Variants in PTPRK observed in about 807,000 individuals in gnomAD.
PTPRK encodes protein tyrosine phosphatase receptor type K.
A neutral mutation model predicts 178.0 loss-of-function variants in PTPRK; 75 were observed. The ratio of observed to expected loss-of-function variants is 0.42; its 90% CI spans 0.35 to 0.51. PTPRK has a LOEUF of 0.51. Ranked by LOEUF, PTPRK falls within the 20% of genes least tolerant of loss-of-function variation. PTPRK has a pLI of 0.02. For synonymous variants in PTPRK, 637 were observed against 620.6 expected (o/e 1.03, Z -0.39); for missense variants, 1,441 against 1,797.8 (o/e 0.80, Z 3.59).
At chr6:128,014,726 A>G (rs1238822329) in intron 13 of PTPRK, among the ~76,000 whole-genome samples, 1 of 151,652 alleles carries the variant, frequency 6.6e-6, no homozygotes, top group Non-Finnish European at 1.5e-5. Flanking sequence ...GGTTTTGTAA[A>G]GCACATGTTA....
At chr6:128,098,327 G>C (rs144661131) in intron 7 of PTPRK, among the ~76,000 whole-genome samples, 3 of 152,074 alleles carry the variant, frequency 2.0e-5, no homozygotes, top group African/African-American at 4.8e-5. Context: ...TTTGATTTTG[G>C]CCTTGCTGTG....
intron 6 of PTPRK, among the ~76,000 whole-genome samples, chr6:128,189,673 T>C (rs942394184): frequency 6.6e-6 from 1 of 152,188 alleles, no homozygotes; most frequent in African/African-American, 2.4e-5. Context: ...TTTTTTTATT[T>C]GTTACCATTT....
chr6:128,016,015 C>A (rs1417801855), intron 13 of PTPRK, among the ~76,000 whole-genome samples: 1 of 151,446 alleles, frequency 6.6e-6, no homozygotes, highest in Admixed American at 6.6e-5. Context: ...AATATCTCTA[C>A]CTGTTTTTTT....
intron 1 of PTPRK, among the ~76,000 whole-genome samples, chr6:128,461,017 G>GA (rs1341616689): frequency 7.9e-5 from 12 of 151,854 alleles, no homozygotes; most frequent in African/African-American, 2.9e-4. Context: ...AATAGTAAAA[G>GA]AAAAAAATGA....
At chr6:128,508,993 T>C (rs1254637240) in intron 1 of PTPRK, among the ~76,000 whole-genome samples, 1 of 151,780 alleles carries the variant, frequency 6.6e-6, no homozygotes, top group African/African-American at 2.4e-5. Flanking sequence ...AAAAATTTCA[T>C]AAATAAACAG....
intron 3 of PTPRK, among the ~76,000 whole-genome samples, chr6:128,277,829 T>C (rs763718427): frequency 4.0e-5 from 6 of 150,678 alleles, no homozygotes; most frequent in African/African-American, 1.5e-4. Context: ...ACCTGGCCCA[T>C]CTGAGGTACT....
intron 7 of PTPRK, among the ~76,000 whole-genome samples, chr6:128,103,093 A>C (rs1487776036): frequency 6.6e-6 from 1 of 151,012 alleles, no homozygotes. Context: ...GCAGATGAGC[A>C]GAAGAACAGA....
At chr6:128,021,950 G>T (rs781100933) in intron 13 of PTPRK, among the ~76,000 whole-genome samples, 3 of 152,074 alleles carry the variant, frequency 2.0e-5, no homozygotes, top group Non-Finnish European at 2.9e-5. Flanking sequence ...GCTTATAAAG[G>T]TTTGTTTCCT....
chr6:128,034,336 G>A (rs999822889), intron 13 of PTPRK, among the ~76,000 whole-genome samples: 10 of 152,110 alleles, frequency 6.6e-5, no homozygotes, highest in African/African-American at 1.2e-4. Flanking sequence ...TATTCAAATC[G>A]ATGACCAATT....
chr6:128,046,191 A>G (rs917637805), intron 13 of PTPRK, among the ~76,000 whole-genome samples: 3 of 152,202 alleles, frequency 2.0e-5, no homozygotes, highest in East Asian at 1.9e-4. Context: ...CTATTACTCT[A>G]TTACTAATAT....
At chr6:127,992,583 A>G in intron 19 of PTPRK, 90 bp downstream of exon 19, 1 of 1,104,596 alleles carries the variant, frequency 9.1e-7, no homozygotes, top group Non-Finnish European at 1.3e-6. Context: ...TTTTGTTACT[A>G]AGATAAAATT....
chr6:128,012,980 T>TTTTTTTTTTTTTTTTTTTTTGAGACGG (rs1306702276), intron 13 of PTPRK, among the ~76,000 whole-genome samples: 1 of 151,368 alleles, frequency 6.6e-6, no homozygotes, highest in Non-Finnish European at 1.5e-5. Context: ...AATCATTCTT[T>TTTTTTTTTTTTTTTTTTTTTGAGACGG]AAAATCCTAC....
chr6:128,265,848 A>C (rs1392887821), intron 3 of PTPRK, among the ~76,000 whole-genome samples: 1 of 152,142 alleles, frequency 6.6e-6, no homozygotes, highest in Non-Finnish European at 1.5e-5. Context: ...TTGAATCCCC[A>C]AAGCGATGGT....
At chr6:128,048,244 C>T (rs1416923731) in intron 13 of PTPRK, among the ~76,000 whole-genome samples, 1 of 152,256 alleles carries the variant, frequency 6.6e-6, no homozygotes, top group East Asian at 1.9e-4. Context: ...GGGCCTCTTT[C>T]CAGGCCCAGT....
chr6:128,185,910 G>T (rs1802679550), intron 6 of PTPRK, among the ~76,000 whole-genome samples: 1 of 152,084 alleles, frequency 6.6e-6, no homozygotes, highest in African/African-American at 2.4e-5. Flanking sequence ...TCTTATGCAG[G>T]TTTAAATGAA....
intron 1 of PTPRK, among the ~76,000 whole-genome samples, chr6:128,419,193 G>A (rs2128385527): frequency 6.6e-6 from 1 of 152,300 alleles, no homozygotes; most frequent in South Asian, 2.1e-4. Flanking sequence ...GGGGCATGGG[G>A]CCATTATTTG....
intron 6 of PTPRK, among the ~76,000 whole-genome samples, chr6:128,211,518 G>A (rs765891256): frequency 7.2e-5 from 11 of 152,018 alleles, no homozygotes; most frequent in Non-Finnish European, 1.3e-4. Context: ...GGTTTTGATC[G>A]ACACATTAAT....
At chr6:128,000,358 T>C in intron 15 of PTPRK, 1 of 1,246,204 alleles carries the variant, frequency 8.0e-7, no homozygotes, top group Non-Finnish European at 1.0e-6. Context: ...AAAAGAACCC[T>C]ACAATCAGAT....
intron 3 of PTPRK, among the ~76,000 whole-genome samples, chr6:128,263,861 C>T (rs901205557): frequency 1.3e-5 from 2 of 152,134 alleles, no homozygotes; most frequent in Admixed American, 6.5e-5. Context: ...AGAGGTGGCA[C>T]TGGGACTCTA....
Sources: allele counts gnomAD v4.1 joint callset (sites outside exome capture counted in the v4.1 genomes callset), GRCh38; gene constraint gnomAD v4.1.1; transcripts MANE v1.5; gene names NCBI Gene and HGNC (gene_info 2026-07-23, HGNC 2026-07-21).